Variants in BLTP1 observed in about 807,000 individuals in gnomAD.
The protein encoded by BLTP1 is bridge-like lipid transfer protein family member 1.
chr4:122,319,400 TAA>T, the BLTP1 span, among the ~76,000 whole-genome samples: 4 of 152,030 alleles, frequency 2.6e-5, no homozygotes, highest in African/African-American at 7.2e-5. Flanking sequence ...CTAATTTTGA[TAA>T]GTGTGTTTTG....
the BLTP1 span, chr4:122,224,505 C>G: frequency 1.2e-6 from 2 of 1,610,122 alleles, no homozygotes; most frequent in South Asian, 2.2e-5. Context: ...CAGCAGCGAC[C>G]CCCTGTGGAT....
chr4:122,251,274 T>A, the BLTP1 span: 1 of 962,978 alleles, frequency 1.0e-6, no homozygotes, highest in Non-Finnish European at 1.2e-6. Flanking sequence ...ATGTAGTAAC[T>A]GTTGTTCTTA....
At chr4:122,161,110 A>G in the BLTP1 span, 15 of 982,680 alleles carry the variant, frequency 1.5e-5, no homozygotes, top group African/African-American at 5.2e-5. Context: ...GTGGAGTTCA[A>G]AGGAGAGCTC....
the BLTP1 span, chr4:122,308,250 TCAGTGTAA>T: frequency 7.1e-7 from 1 of 1,415,400 alleles, no homozygotes; most frequent in Non-Finnish European, 9.7e-7. Flanking sequence ...AGTACATTTT[TCAGTGTAA>T]CAGTTTATAA....
At chr4:122,223,522 G>A in the BLTP1 span, among the ~76,000 whole-genome samples, 1 of 152,074 alleles carries the variant, frequency 6.6e-6, no homozygotes, top group Non-Finnish European at 1.5e-5. Context: ...ATGAACCTGG[G>A]GGAGAAGATA....
At chr4:122,332,950 G>T in the BLTP1 span, among the ~76,000 whole-genome samples, 1 of 47,258 alleles carries the variant, frequency 2.1e-5, no homozygotes, top group Non-Finnish European at 3.9e-5. Flanking sequence ...TCCCTACAAA[G>T]GATATGAACT....
At chr4:122,205,785 TACACACACACACACACACAC>T in the BLTP1 span, 1 of 146,362 alleles carries the variant, frequency 6.8e-6, no homozygotes, top group Non-Finnish European at 1.5e-5. Flanking sequence ...CTCTGTCACA[TACACACACACACACACACAC>T]ACACACACAC....
At chr4:122,182,807 T>A in the BLTP1 span, 2 of 984,950 alleles carry the variant, frequency 2.0e-6, no homozygotes, top group Non-Finnish European at 2.4e-6. Context: ...TCGATTCAAG[T>A]AGCACTCATT....
At chr4:122,349,366 C>T in the BLTP1 span, 1 of 1,560,976 alleles carries the variant, frequency 6.4e-7, no homozygotes, top group Non-Finnish European at 8.7e-7. The surrounding 1 kb of genome is among the most constrained non-coding windows in gnomAD (Gnocchi z 4.5). Flanking sequence ...ATATATATAT[C>T]AAAAAAAATG....
chr4:122,205,946 G>C, the BLTP1 span: 10 of 984,730 alleles, frequency 1.0e-5, no homozygotes, highest in Admixed American at 4.9e-4. Context: ...AAAACATTGT[G>C]GAGGCCAGAA....
the BLTP1 span, chr4:122,184,772 A>G: frequency 2.7e-4 from 270 of 985,268 alleles, no homozygotes; most frequent in Middle Eastern, 7.8e-3. Flanking sequence ...TAAGCCACAC[A>G]TGAGAAACTG....
the BLTP1 span, chr4:122,190,196 A>C: frequency 6.1e-6 from 8 of 1,321,882 alleles, no homozygotes; most frequent in Admixed American, 1.9e-4. Context: ...TTCCAGGCTC[A>C]AACAATCCTC....
chr4:122,246,164 CAA>C, the BLTP1 span: 1 of 1,578,028 alleles, frequency 6.3e-7, no homozygotes, highest in Non-Finnish European at 8.6e-7. Context: ...ATCTTCCAAA[CAA>C]GACATTAGAG....
chr4:122,326,640 A>C, the BLTP1 span, among the ~76,000 whole-genome samples: 6 of 151,712 alleles, frequency 4.0e-5, no homozygotes, highest in Non-Finnish European at 3.0e-5. Context: ...TCTCAAAGGG[A>C]TTAATATTTG....
the BLTP1 span, among the ~76,000 whole-genome samples, chr4:122,159,870 T>C: frequency 1.3e-5 from 2 of 152,254 alleles, no homozygotes; most frequent in South Asian, 4.1e-4. Context: ...TGATTGAATG[T>C]TATTTTACCA....
the BLTP1 span, chr4:122,351,139 A>C: frequency 4.4e-6 from 1 of 225,830 alleles, no homozygotes; most frequent in Non-Finnish European, 7.4e-6. Context: ...CCAGGCAAGA[A>C]ATGGTGGCTT....
chr4:122,261,522 A>G, the BLTP1 span: 2 of 983,354 alleles, frequency 2.0e-6, no homozygotes, highest in South Asian at 9.4e-5. Context: ...TAGAAATCGA[A>G]AAATTCTGTA....
the BLTP1 span, chr4:122,347,821 T>C: frequency 1.4e-6 from 2 of 1,447,686 alleles, no homozygotes; most frequent in Non-Finnish European, 1.9e-6. Context: ...TACAGTGTTC[T>C]CAGGATAAAA....
the BLTP1 span, among the ~76,000 whole-genome samples, chr4:122,242,138 C>G: frequency 6.6e-6 from 1 of 152,024 alleles, no homozygotes; most frequent in Non-Finnish European, 1.5e-5. Context: ...TATCCAAAGG[C>G]AATTAATTCA....
Sources: allele counts gnomAD v4.1 joint callset (sites outside exome capture counted in the v4.1 genomes callset), GRCh38; gene constraint gnomAD v4.1.1; non-coding constraint Gnocchi (gnomAD v3.1); transcripts MANE v1.5; gene names NCBI Gene and HGNC (gene_info 2026-07-23, HGNC 2026-07-21).